Variants in MYO3B observed in about 807,000 individuals in gnomAD.
MYO3B encodes the protein myosin IIIB, also known as myosin-IIIb.
MYO3B carries 156 observed loss-of-function variants against 174.6 expected under a neutral mutation model. The ratio of observed to expected loss-of-function variants is 0.89; its 90% CI spans 0.78 to 1.02. The LOEUF (loss-of-function observed/expected upper bound fraction) is 1.02, where lower values mean the gene tolerates loss of function less well. Among genes scored for constraint, MYO3B ranks in the 50% least tolerant of loss-of-function variants. MYO3B has a pLI of 0.00. For missense variants in MYO3B, 1,632 were observed against 1,639.4 expected, an observed-to-expected ratio of 1.00 and a Z score of 0.08; for synonymous variants, 563 against 569.1, an observed-to-expected ratio of 0.99 and a Z score of 0.15.
At chr2:170,254,054 G>A (rs1322703632) in intron 7 of MYO3B, among the ~76,000 whole-genome samples, 2 of 152,136 alleles carry the variant, frequency 1.3e-5, no homozygotes, top group African/African-American at 4.8e-5. Flanking sequence ...CACCAAGATT[G>A]AAGAGGGAGG....
rs115916231 is a variant in MYO3B, at chr2:170,521,381, C to A, written c.3575+1841C>A. Among the ~76,000 whole-genome samples, 33 of 152,294 alleles carry A rather than the reference C, an allele frequency of 2.2e-4. 1 individual carries two copies. Among genetic ancestry groups the A allele is most frequent in the African/African-American group, 7.9e-4 (33 of 41,560 alleles). Reference sequence around the variant, plus strand: ...TGGAAGACTTGGTTTCTGATCCCAGCTAACATTTTCCAACTGTTTGACCTT... The same window carrying A: ...TGGAAGACTTGGTTTCTGATCCCAGATAACATTTTCCAACTGTTTGACCTT... On this transcript the variant is annotated intron_variant, in intron 30 of 34. Coordinates refer to ENST00000408978, the MANE Select transcript of MYO3B (RefSeq NM_138995.5).
At chr2:170,321,469 T>C (rs2093826011) in intron 7 of MYO3B, among the ~76,000 whole-genome samples, 1 of 152,124 alleles carries the variant, frequency 6.6e-6, no homozygotes, top group African/African-American at 2.4e-5. Context: ...GGGAAGTAAC[T>C]ACAGATACAG....
intron 3 of MYO3B, among the ~76,000 whole-genome samples, chr2:170,208,957 C>G (rs531480031): frequency 6.6e-6 from 1 of 152,282 alleles, no homozygotes; most frequent in Admixed American, 6.5e-5. Context: ...TGATCCTCTC[C>G]TTTTAAGGTC....
chr2:170,400,401 C>A, intron 17 of MYO3B, 87 bp downstream of exon 17: 12 of 1,208,638 alleles, frequency 9.9e-6, no homozygotes, highest in Non-Finnish European at 1.2e-5. Context: ...ATTTGCTGGT[C>A]CTTTTTTTTT....
chr2:170,415,499 ATTT>A (rs966554276), intron 22 of MYO3B, among the ~76,000 whole-genome samples: 2 of 152,196 alleles, frequency 1.3e-5, no homozygotes, highest in African/African-American at 4.8e-5. Context: ...AAGGTAGGGA[ATTT>A]TTATCTCATT....
At chr2:170,356,789 A>ATTTTTTTTTTTTTTTTTTTTTTT (rs2094124862) in intron 8 of MYO3B, among the ~76,000 whole-genome samples, 1 of 151,974 alleles carries the variant, frequency 6.6e-6, no homozygotes, top group South Asian at 2.1e-4. Flanking sequence ...CTTTAAAAAA[A>ATTTTTTTTTTTTTTTTTTTTTTT]TGTTTTAAGA....
intron 29 of MYO3B, among the ~76,000 whole-genome samples, chr2:170,517,026 T>C (rs1366546720): frequency 6.6e-6 from 1 of 152,198 alleles, no homozygotes; most frequent in African/African-American, 2.4e-5. Flanking sequence ...AGAAGCCAGG[T>C]GATTCCAACT....
At position 170,273,394 on chromosome 2, in the gene MYO3B, C is replaced by T. The variant is rs181005554; in HGVS notation, c.749+37258C>T. Among the ~76,000 whole-genome samples, 154 of 152,210 alleles carry T rather than the reference C, an allele frequency of 1.0e-3. 2 individuals are homozygous for T. Among genetic ancestry groups the T allele is most frequent in the Admixed American group, 7.2e-3 (110 of 15,270 alleles). On this transcript the variant is annotated intron_variant, in intron 7 of 34. Coordinates refer to ENST00000408978, the MANE Select transcript of MYO3B (RefSeq NM_138995.5). ...TCTAGAATCCTCCTCTTGCCTCACA[C>T]CCCTGGATGGCCCACAGCTGCCCAA... is the stretch of plus-strand genomic sequence containing the variant.
chr2:170,295,336 G>C (rs1518732), intron 7 of MYO3B, among the ~76,000 whole-genome samples: 67,979 of 151,260 alleles, frequency 0.45, 16,970 homozygotes, highest in East Asian at 0.67. Context: ...TTCTTTTTGT[G>C]TATATTCTAT....
intron 32 of MYO3B, among the ~76,000 whole-genome samples, chr2:170,649,047 T>TTA (rs372128185): frequency 9.4e-4 from 41 of 43,594 alleles, no homozygotes; most frequent in East Asian, 3.9e-3. Flanking sequence ...ATAATGTATA[T>TTA]TATATAAAAT....
chr2:170,595,630 G>A (rs1207850877), intron 32 of MYO3B, among the ~76,000 whole-genome samples: 3 of 151,942 alleles, frequency 2.0e-5, no homozygotes, highest in Admixed American at 1.3e-4. Flanking sequence ...GTAGAGATGG[G>A]GTCTCGTCAT....
At chr2:170,514,319 T>C (rs1037271539) in intron 28 of MYO3B, among the ~76,000 whole-genome samples, 8 of 152,240 alleles carry the variant, frequency 5.3e-5, no homozygotes, top group Admixed American at 3.3e-4. Flanking sequence ...GGAAGTAAGC[T>C]GACTGGACAA....
chr2:170,591,563 G>A (rs1693820037), intron 32 of MYO3B, among the ~76,000 whole-genome samples: 3 of 150,464 alleles, frequency 2.0e-5, no homozygotes, highest in Admixed American at 2.0e-4. Context: ...AAGGGAGGGT[G>A]CAGCAGAGCA....
chr2:170,541,213 G>A (rs1329160411), intron 30 of MYO3B, among the ~76,000 whole-genome samples: 3 of 152,154 alleles, frequency 2.0e-5, no homozygotes, highest in Non-Finnish European at 4.4e-5. Context: ...TAAATTAGGG[G>A]TCTGGCAGTA....
intron 7 of MYO3B, among the ~76,000 whole-genome samples, chr2:170,255,096 A>C (rs527331370): frequency 1.2e-4 from 18 of 152,256 alleles, no homozygotes; most frequent in Admixed American, 2.6e-4. Flanking sequence ...CCCTTGACTC[A>C]TTGCATCACC....
At position 170,490,114 on chromosome 2, in the gene MYO3B, C is replaced by T. The variant is rs185628387; in HGVS notation, c.3015-8478C>T. Among the ~76,000 whole-genome samples, 415 of 151,172 alleles carry T rather than the reference C, an allele frequency of 2.7e-3. 10 individuals carry two copies. In the East Asian group the frequency reaches 0.043, roughly 16 times the overall value. On this transcript the variant is annotated intron_variant, in intron 25 of 34. Transcript: ENST00000408978. Reference sequence around the variant, plus strand: ...CGTGATCTTGGCTCACTGCAACCTCCGCCTCCCGGGTTCAAGCCATTCTCC... The same window carrying T: ...CGTGATCTTGGCTCACTGCAACCTCTGCCTCCCGGGTTCAAGCCATTCTCC...
At chr2:170,588,963 G>A (rs1000736924) in intron 32 of MYO3B, among the ~76,000 whole-genome samples, 2 of 152,100 alleles carry the variant, frequency 1.3e-5, no homozygotes, top group African/African-American at 2.4e-5. Flanking sequence ...TGGTTGAGAC[G>A]GCCAACAACT....
chr2:170,544,791 G>A (rs1020188510), intron 32 of MYO3B, among the ~76,000 whole-genome samples: 1 of 152,108 alleles, frequency 6.6e-6, no homozygotes, highest in Non-Finnish European at 1.5e-5. Flanking sequence ...AAGAGGATGG[G>A]TCCATTATAG....
intron 7 of MYO3B, among the ~76,000 whole-genome samples, chr2:170,293,428 C>T (rs1232073210): frequency 1.3e-5 from 2 of 152,136 alleles, no homozygotes; most frequent in African/African-American, 4.8e-5. Context: ...TGACAATGGG[C>T]ATCTGTCTCA....
Sources: allele counts gnomAD v4.1 joint callset (sites outside exome capture counted in the v4.1 genomes callset), GRCh38; gene constraint gnomAD v4.1.1; transcripts MANE v1.5; gene names NCBI Gene and HGNC (gene_info 2026-07-23, HGNC 2026-07-21).